ACOT7: variants seen among roughly 807,000 people sequenced by gnomAD.
ACOT7 encodes cytosolic acyl coenzyme A thioester hydrolase.
A neutral mutation model predicts 40.2 loss-of-function variants in ACOT7; 12 were observed. The observed-to-expected ratio is 0.30, with a 90% CI of 0.19 to 0.48. The LOEUF (loss-of-function observed/expected upper bound fraction) is 0.48. ACOT7 is among the 20% of genes least tolerant of loss of function. The probability of loss-of-function intolerance (pLI) is 0.99; values close to 1 mark genes in which losing one functional copy is unlikely to be tolerated. For synonymous variants in ACOT7, 228 were observed against 219.5 expected, an observed-to-expected ratio of 1.04 and a Z score of -0.34; for missense variants, 395 against 530.8, an observed-to-expected ratio of 0.74 and a Z score of 2.51.
intron 2 of ACOT7, among the ~76,000 whole-genome samples, chr1:6,340,952 G>A (rs918386095): frequency 6.6e-6 from 1 of 151,764 alleles, no homozygotes; most frequent in Non-Finnish European, 1.5e-5. Flanking sequence ...ATGAGAATCA[G>A]GTGAACTCGG....
chr1:6,284,635 C>T (rs184427948), intron 7 of ACOT7, among the ~76,000 whole-genome samples: 153 of 151,024 alleles, frequency 1.0e-3, no homozygotes, highest in Middle Eastern at 3.4e-3. Context: ...ACTTTGTCAA[C>T]CCCAGGATGG....
intron 6 of ACOT7, among the ~76,000 whole-genome samples, chr1:6,302,478 C>A (rs1312232503): frequency 1.3e-5 from 2 of 152,068 alleles, no homozygotes; most frequent in African/African-American, 4.8e-5. Flanking sequence ...GAGCAGAAAC[C>A]CACCCGAGAA....
intron 6 of ACOT7, among the ~76,000 whole-genome samples, chr1:6,310,863 A>G (rs1334223932): frequency 2.0e-5 from 3 of 151,982 alleles, no homozygotes; most frequent in Non-Finnish European, 4.4e-5. Flanking sequence ...TCAGCCTCCC[A>G]AGTAGCTGGG....
At chr1:6,314,976 G>A (rs1640444877) in intron 6 of ACOT7, among the ~76,000 whole-genome samples, 1 of 152,002 alleles carries the variant, frequency 6.6e-6, no homozygotes, top group African/African-American at 2.4e-5. Flanking sequence ...CACACCCTCG[G>A]GCTCACTCCC....
chr1:6,385,569 C>T (rs767747865), intron 1 of ACOT7: 19 of 1,612,086 alleles, frequency 1.2e-5, no homozygotes, highest in East Asian at 2.2e-5. Flanking sequence ...GCAGCACCCT[C>T]GCCGGGGCCC....
At chr1:6,356,517 G>A (rs919439014) in intron 1 of ACOT7, among the ~76,000 whole-genome samples, 5 of 152,130 alleles carry the variant, frequency 3.3e-5, no homozygotes, top group Non-Finnish European at 5.9e-5. Context: ...GCCCCTGTGC[G>A]GTGACCTTGG....
At chr1:6,345,536 C>T (rs1204807341) in intron 2 of ACOT7, among the ~76,000 whole-genome samples, 1 of 152,216 alleles carries the variant, frequency 6.6e-6, no homozygotes, top group Non-Finnish European at 1.5e-5. Flanking sequence ...GGGAAGAACT[C>T]GGTGCTTAGG....
chr1:6,277,973 C>T (rs1326424040), intron 8 of ACOT7, among the ~76,000 whole-genome samples: 2 of 152,106 alleles, frequency 1.3e-5, no homozygotes, highest in African/African-American at 4.8e-5. Flanking sequence ...ATAGAAAGTG[C>T]GTGCCTAAGG....
In ACOT7 at chr1:6,311,437, G is replaced by A. The variant is rs542519140; in HGVS notation, c.712+7055C>T. Among the ~76,000 whole-genome samples the A allele has an allele frequency of 3.3e-5, 5 of 152,276 alleles. No homozygotes were observed. Among genetic ancestry groups the A allele is most frequent in the South Asian group, 2.1e-4 (1 of 4,828 alleles). ...ACAGGCTGATGTACCACAAAGGTGC[G>A]GTGTTGGGGGTGCCAGCCGGGTCAG... On this transcript the variant is annotated intron_variant, in intron 6 of 8. Coordinates refer to ENST00000361521, the MANE Select transcript of ACOT7 (RefSeq NM_007274.4). The surrounding 1 kb of genome is among the most constrained non-coding windows in gnomAD (Gnocchi z 5.2).
chr1:6,381,716 T>G (rs1159770572), intron 1 of ACOT7, among the ~76,000 whole-genome samples: 2 of 151,896 alleles, frequency 1.3e-5, no homozygotes, highest in Non-Finnish European at 2.9e-5. Flanking sequence ...ACGGGGTCTC[T>G]GCTGTGTTCA....
chr1:6,290,548 C>A (rs185250458), intron 7 of ACOT7, among the ~76,000 whole-genome samples: 1 of 152,208 alleles, frequency 6.6e-6, no homozygotes, highest in Non-Finnish European at 1.5e-5. Context: ...TTTCCATAAA[C>A]GTATGATTTT....
intron 8 of ACOT7, among the ~76,000 whole-genome samples, chr1:6,279,497 C>T (rs925915873): frequency 1.3e-5 from 2 of 152,178 alleles, no homozygotes; most frequent in African/African-American, 2.4e-5. Flanking sequence ...GAGCATGCCT[C>T]GTAAGCCCCA....
At chr1:6,321,156 C>T (rs1165090590) in intron 5 of ACOT7, among the ~76,000 whole-genome samples, 3 of 152,184 alleles carry the variant, frequency 2.0e-5, no homozygotes, top group African/African-American at 7.2e-5. Flanking sequence ...CTGGAAGGTT[C>T]TTCCCTGTTG....
chr1:6,335,580 G>A (rs888421863), intron 3 of ACOT7, among the ~76,000 whole-genome samples: 10 of 152,186 alleles, frequency 6.6e-5, no homozygotes, highest in African/African-American at 2.4e-4. Context: ...TGGAGGAAAG[G>A]GAGACAGGAG....
chr1:6,306,586 G>T lies in ACOT7; in HGVS notation c.713-11606C>A, dbSNP rs1178170952. ...GGAGAACGATGTTTTCAAACACCAAGATCCTAGAAGGCGAGTACTAGAAGG... is the reference window on the plus strand; with the variant it reads ...GGAGAACGATGTTTTCAAACACCAATATCCTAGAAGGCGAGTACTAGAAGG... On this transcript the variant is annotated intron_variant, in intron 6 of 8. Coordinates refer to ENST00000361521, the MANE Select transcript of ACOT7 (RefSeq NM_007274.4). This position sits in a 1 kb window ranked among gnomAD's most constrained non-coding sequence, Gnocchi z 4.3. 4 of 985,312 alleles carry T rather than the reference G, an allele frequency of 4.1e-6. No individual in the cohort carries two copies. The highest frequency in any genetic ancestry group is 3.5e-5 in the African/African-American group (2 of 57,240). 61.0% of individuals were successfully genotyped at this position (985,312 alleles called of 1,614,324 possible).
At chr1:6,340,016 A>G (rs549758731) in intron 2 of ACOT7, among the ~76,000 whole-genome samples, 18 of 150,388 alleles carry the variant, frequency 1.2e-4, no homozygotes, top group Admixed American at 7.9e-4. Flanking sequence ...CCCAGGCTGG[A>G]GTGCAGTGGT....
At position 6,391,272 on chromosome 1, in the gene ACOT7, G is replaced by A. The variant is rs543124336; in HGVS notation, c.143+1985C>T. Among the ~76,000 whole-genome samples, 4 of 151,842 alleles carry A rather than the reference G, an allele frequency of 2.6e-5. No homozygotes were observed. In the South Asian group the frequency reaches 8.3e-4, roughly 32 times the overall value. On this transcript the variant is annotated intron_variant, in intron 1 of 8. Transcript: ENST00000361521. ...CCAGCACTTTGGGAGGCCGAGGAGGGCAGATCACAGATCACCTGAGGTCAG... is the reference window on the plus strand; with the variant it reads ...CCAGCACTTTGGGAGGCCGAGGAGGACAGATCACAGATCACCTGAGGTCAG...
At chr1:6,390,342 C>T (rs1273759502) in intron 1 of ACOT7, among the ~76,000 whole-genome samples, 1 of 151,992 alleles carries the variant, frequency 6.6e-6, no homozygotes, top group East Asian at 1.9e-4. Flanking sequence ...GAGGCCGAGG[C>T]GGGCAGATCA....
At chr1:6,372,413 G>A (rs1338906388) in intron 1 of ACOT7, among the ~76,000 whole-genome samples, 1 of 152,168 alleles carries the variant, frequency 6.6e-6, no homozygotes, top group Non-Finnish European at 1.5e-5. Flanking sequence ...TGTGTTCACT[G>A]GAGCAGCACT....
Sources: gnomAD v4.1 joint callset for allele counts (sites outside exome capture counted in the v4.1 genomes callset) on GRCh38, gnomAD v4.1.1 for gene constraint, Gnocchi (gnomAD v3.1) non-coding constraint, MANE v1.5 for transcripts, NCBI Gene and HGNC (gene_info 2026-07-23, HGNC 2026-07-21) for gene names.